The following PSMD14 variants were observed in gnomAD, a reference collection of about 807,000 sequenced individuals.
PSMD14 encodes ubiquitin C-terminal hydrolase PSMD14.
Under a neutral mutation model 41.2 loss-of-function variants are expected in PSMD14, and 7 were observed. The observed-to-expected ratio is 0.17, with a 90% CI of 0.10 to 0.32. The LOEUF is 0.32. PSMD14 is among the 10% of genes least tolerant of loss of function. The probability of loss-of-function intolerance (pLI) is 1.00; values close to 1 mark genes in which losing one functional copy is unlikely to be tolerated. For missense variants in PSMD14, 139 were observed against 375.6 expected (o/e 0.37, Z 5.21); for synonymous variants, 114 against 122.3 (o/e 0.93, Z 0.45).
chr2:161,393,777 A>G (rs537437975), intron 9 of PSMD14, among the ~76,000 whole-genome samples: 2 of 152,122 alleles, frequency 1.3e-5, no homozygotes, highest in African/African-American at 4.8e-5. Flanking sequence ...ATGGTCCTCA[A>G]TTGAAGAAAA....
intron 3 of PSMD14, chr2:161,341,230 C>T (rs1425538095): frequency 2.3e-5 from 23 of 981,578 alleles, no homozygotes; most frequent in Non-Finnish European, 2.8e-5. Flanking sequence ...TCCGGGCTCG[C>T]GGCCGCCCCA....
At chr2:161,369,737 T>G (rs543521093) in intron 5 of PSMD14, among the ~76,000 whole-genome samples, 24 of 152,204 alleles carry the variant, frequency 1.6e-4, no homozygotes, top group African/African-American at 5.8e-4. Flanking sequence ...TGTAGAACTT[T>G]GGATGAGGCT....
At chr2:161,319,403 C>G (rs1206479841) in intron 3 of PSMD14, among the ~76,000 whole-genome samples, 2 of 151,882 alleles carry the variant, frequency 1.3e-5, no homozygotes, top group Non-Finnish European at 2.9e-5. Context: ...AATAAATAAG[C>G]TTTCAGTTGT....
At chr2:161,375,092 A>T (rs1022839733) in intron 7 of PSMD14, among the ~76,000 whole-genome samples, 2 of 152,024 alleles carry the variant, frequency 1.3e-5, no homozygotes, top group Admixed American at 6.6e-5. Flanking sequence ...GGACTTTAAA[A>T]AATGTGATGT....
chr2:161,370,751 G>A (rs1033793978), intron 6 of PSMD14, among the ~76,000 whole-genome samples: 2 of 152,118 alleles, frequency 1.3e-5, no homozygotes, highest in African/African-American at 4.8e-5. Context: ...TCTACTGCTG[G>A]TTTAATTGAT....
chr2:161,381,498 G>A (rs1195322822), intron 7 of PSMD14: 3 of 151,652 alleles, frequency 2.0e-5, no homozygotes, highest in Non-Finnish European at 4.4e-5. Flanking sequence ...TTTTAAAACA[G>A]CTTTGTATTA....
At chr2:161,372,758 T>C (rs1683453977) in intron 7 of PSMD14, among the ~76,000 whole-genome samples, 1 of 151,998 alleles carries the variant, frequency 6.6e-6, no homozygotes, top group African/African-American at 2.4e-5. Flanking sequence ...TAAGGTACCT[T>C]TTTAGTAACT....
chr2:161,375,910 G>A (rs1443577766), intron 7 of PSMD14, among the ~76,000 whole-genome samples: 1 of 151,688 alleles, frequency 6.6e-6, no homozygotes, highest in Non-Finnish European at 1.5e-5. Flanking sequence ...AATGAATGCT[G>A]TAAGAGCATA....
chr2:161,325,284 A>C (rs371043517), intron 3 of PSMD14, among the ~76,000 whole-genome samples: 17 of 152,296 alleles, frequency 1.1e-4, no homozygotes, highest in East Asian at 7.7e-4. Context: ...TATAGTGTAC[A>C]TTTTGAAGAA....
intron 10 of PSMD14, among the ~76,000 whole-genome samples, chr2:161,406,345 A>G (rs955536296): frequency 6.6e-6 from 1 of 152,184 alleles, no homozygotes. Flanking sequence ...TAGTGTGAAT[A>G]GCCACAAACA....
chr2:161,355,266 T>C (rs1222905502), intron 3 of PSMD14, among the ~76,000 whole-genome samples: 1 of 152,204 alleles, frequency 6.6e-6, no homozygotes, highest in African/African-American at 2.4e-5. Flanking sequence ...AATTATTTAT[T>C]GATTTATTAT....
At chr2:161,340,967 C>G (rs1682946958) in intron 3 of PSMD14, 2 of 1,613,064 alleles carry the variant, frequency 1.2e-6, no homozygotes, top group Non-Finnish European at 1.7e-6. Context: ...TCTCACCATC[C>G]AAGTCCTGCT....
intron 3 of PSMD14, among the ~76,000 whole-genome samples, chr2:161,355,635 T>G (rs562124456): frequency 6.6e-6 from 1 of 152,200 alleles, no homozygotes; most frequent in African/African-American, 2.4e-5. Context: ...TTGGACTTTT[T>G]TGGCAACCAA....
At chr2:161,387,462 A>G (rs1036009478) in intron 8 of PSMD14, among the ~76,000 whole-genome samples, 20 of 151,990 alleles carry the variant, frequency 1.3e-4, no homozygotes, top group African/African-American at 4.6e-4. Flanking sequence ...AGTAGGGATA[A>G]AAGTCTGATA....
chr2:161,342,631 A>T (rs115070554), intron 3 of PSMD14, among the ~76,000 whole-genome samples: 2,466 of 150,834 alleles, frequency 0.016, 80 homozygotes, highest in African/African-American at 0.056. Context: ...TTTTTTTTTT[A>T]AAATCCAGTC....
At chr2:161,313,118 A>G (rs989181525) in intron 1 of PSMD14, among the ~76,000 whole-genome samples, 1 of 152,130 alleles carries the variant, frequency 6.6e-6, no homozygotes, top group African/African-American at 2.4e-5. Context: ...GGAGAGAGGT[A>G]ATTTACTCAA....
intron 3 of PSMD14, among the ~76,000 whole-genome samples, chr2:161,326,944 G>A (rs960208768): frequency 6.6e-6 from 1 of 151,360 alleles, no homozygotes; most frequent in Non-Finnish European, 1.5e-5. Context: ...TTTTCCCTCC[G>A]ATATTTTCTA....
chr2:161,341,868 A>AT (rs1559042625), intron 3 of PSMD14, among the ~76,000 whole-genome samples: 3 of 136,198 alleles, frequency 2.2e-5, no homozygotes, highest in Non-Finnish European at 4.8e-5. Flanking sequence ...AAATTAAAAA[A>AT]AATATATATG....
intron 3 of PSMD14, among the ~76,000 whole-genome samples, chr2:161,345,035 G>T (rs780312354): frequency 1.3e-5 from 2 of 151,936 alleles, no homozygotes; most frequent in Non-Finnish European, 2.9e-5. Context: ...ATTGAGTTCC[G>T]TGATCCATTT....
Sources: allele counts gnomAD v4.1 joint callset (sites outside exome capture counted in the v4.1 genomes callset), GRCh38; gene constraint gnomAD v4.1.1; transcripts MANE v1.5; gene names NCBI Gene and HGNC (gene_info 2026-07-23, HGNC 2026-07-21).